Variants in RHOBTB3 observed in about 807,000 individuals in gnomAD.
RHOBTB3 encodes the protein rho-related BTB domain-containing protein 3.
RHOBTB3 carries 47 observed loss-of-function variants against 67.2 expected under a neutral mutation model. The observed-to-expected ratio is 0.70, with a 90% CI of 0.55 to 0.89. The LOEUF is 0.89. Ranked by LOEUF, RHOBTB3 falls within the 40% of genes least tolerant of loss-of-function variation. The pLI, the probability that RHOBTB3 is intolerant of heterozygous loss-of-function variation, is 0.00. For synonymous variants in RHOBTB3, 273 were observed against 274.2 expected, an observed-to-expected ratio of 1.00 and a Z score of 0.04; for missense variants, 631 against 750.0, an observed-to-expected ratio of 0.84 and a Z score of 1.85.
At chr5:95,776,776 A>T (rs1034872437) in intron 8 of RHOBTB3, among the ~76,000 whole-genome samples, 2 of 152,126 alleles carry the variant, frequency 1.3e-5, no homozygotes, top group African/African-American at 4.8e-5. Flanking sequence ...TAAAATAGGG[A>T]TACTAATTCC....
chr5:95,782,133 G>A (rs993133466), intron 9 of RHOBTB3: 1 of 152,188 alleles, frequency 6.6e-6, no homozygotes, highest in Non-Finnish European at 1.5e-5. Context: ...AGGGAAAAAT[G>A]AGTCAAAATG....
At chr5:95,741,083 C>T (rs546118132) in intron 3 of RHOBTB3, among the ~76,000 whole-genome samples, 1 of 152,198 alleles carries the variant, frequency 6.6e-6, no homozygotes, top group South Asian at 2.1e-4. Flanking sequence ...AATCCCAGCA[C>T]TTTGGGAGGC....
At chr5:95,746,061 A>G (rs1744905553) in intron 3 of RHOBTB3, among the ~76,000 whole-genome samples, 1 of 152,144 alleles carries the variant, frequency 6.6e-6, no homozygotes, top group Admixed American at 6.5e-5. Flanking sequence ...TGGTGTAGAA[A>G]GACTAGACAT....
chr5:95,780,728 C>G (rs541247201), intron 9 of RHOBTB3, among the ~76,000 whole-genome samples: 93 of 152,288 alleles, frequency 6.1e-4, no homozygotes, highest in African/African-American at 2.1e-3. Context: ...TTGTGGTACC[C>G]ATGGCTACCG....
At chr5:95,755,954 A>G (rs1242657377) in intron 6 of RHOBTB3, 193 bp downstream of exon 6, 1 of 541,848 alleles carries the variant, frequency 1.8e-6, no homozygotes, top group South Asian at 3.1e-5. Context: ...TTACAAATGT[A>G]CTTGCCTCAT....
intron 2 of RHOBTB3, among the ~76,000 whole-genome samples, chr5:95,735,072 T>A (rs1186650891): frequency 6.6e-6 from 1 of 152,222 alleles, no homozygotes; most frequent in Non-Finnish European, 1.5e-5. Context: ...TTGGATACTT[T>A]GAACTTGAAC....
chr5:95,788,041 A>C (rs1746272832), intron 10 of RHOBTB3, among the ~76,000 whole-genome samples: 1 of 152,026 alleles, frequency 6.6e-6, no homozygotes, highest in Non-Finnish European at 1.5e-5. Flanking sequence ...AATAATAATA[A>C]AAAAAAGAGT....
Position 95,793,096 on chromosome 5 carries a change from G to A in RHOBTB3, c.1758G>A (p.Pro586=), listed in dbSNP as rs373406881. ...GTTTTGTTGAAAAGCACAGATGGCC[G>A]TCGAATATGTACTTGAAGCAGCTTG... The part of the protein sequence containing the change: ...ERSFVEKHRW[P]SNMYLKQLAE... The change falls in exon 12 of 12, where the codon CCG becomes CCA. Residue 586 remains proline, a synonymous_variant. Transcript: ENST00000379982. 75 of 1,613,412 alleles carry A rather than the reference G, an allele frequency of 4.6e-5. No homozygotes were observed. The African/African-American group carries it at 5.2e-4, about 11-fold the overall frequency.
intron 3 of RHOBTB3, among the ~76,000 whole-genome samples, chr5:95,747,097 A>G (rs1220637469): frequency 6.6e-6 from 1 of 151,964 alleles, no homozygotes; most frequent in African/African-American, 2.4e-5. Context: ...GCCCCTTTCC[A>G]TGCATTACTC....
chr5:95,729,204 G>C (rs1482852249), upstream of RHOBTB3, among the ~76,000 whole-genome samples: 2 of 152,144 alleles, frequency 1.3e-5, no homozygotes, highest in African/African-American at 2.4e-5. Context: ...TTCACTTTAT[G>C]GACTTGCCCT....
intron 6 of RHOBTB3, among the ~76,000 whole-genome samples, chr5:95,762,149 A>G (rs1316423321): frequency 2.6e-5 from 4 of 152,194 alleles, no homozygotes; most frequent in African/African-American, 9.7e-5. Flanking sequence ...CTGTGATGTC[A>G]TGTTGATAGC....
At chr5:95,790,972 C>T (rs1162335100) in intron 11 of RHOBTB3, among the ~76,000 whole-genome samples, 1 of 152,202 alleles carries the variant, frequency 6.6e-6, no homozygotes. Flanking sequence ...TTGGCGCTGA[C>T]GGCCCACCTA....
chr5:95,748,616 G>A, intron 4 of RHOBTB3, 129 bp downstream of exon 4: 1 of 543,476 alleles, frequency 1.8e-6, no homozygotes. Context: ...GAAATAAAAT[G>A]AGAGTGAGTG....
Position 95,754,292 on chromosome 5 carries a change from A to T in RHOBTB3, c.683-1104A>T, listed in dbSNP as rs566198618. 7.9e-5 allele frequency among the ~76,000 whole-genome samples: 12 copies of T among 152,244 alleles called. No individual in the cohort carries two copies. In the South Asian group the frequency reaches 2.5e-3, roughly 32 times the overall value. On this transcript the variant is annotated intron_variant, in intron 5 of 11. Coordinates refer to ENST00000379982, the MANE Select transcript of RHOBTB3 (RefSeq NM_014899.4). Reference sequence around the variant, plus strand: ...AGATATTCCAGAGGTTCAGAATAATACAGTCTGGGTACATATTTGGGGCTG... The same window carrying T: ...AGATATTCCAGAGGTTCAGAATAATTCAGTCTGGGTACATATTTGGGGCTG...
chr5:95,783,581 AAAAAG>A, intron 9 of RHOBTB3: 1 of 244,840 alleles, frequency 4.1e-6, no homozygotes, highest in African/African-American at 2.3e-5. Flanking sequence ...AAAAAAAAAA[AAAAAG>A]AAGAAGAAGA....
Position 95,783,863 on chromosome 5 carries a change from A to C in RHOBTB3, c.1523A>C (p.His508Pro). Residue 508 changes from histidine (H) to proline (P), a missense_variant, in exon 10 of 12, where the codon CAC becomes CCC. His to Pro is a moderately conservative substitution (Grantham distance 77). Coordinates refer to ENST00000379982, the MANE Select transcript of RHOBTB3 (RefSeq NM_014899.4). ...ATGTACCAAGTGTCCAGACTGCAGC[A>C]CATCTGTGAGCTGTTCATCATTACC... Reference protein sequence around the residue: ...AEMYQVSRLQHICELFIITQL... With the variant: ...AEMYQVSRLQPICELFIITQL... 3 of 1,613,992 alleles carry C rather than the reference A, an allele frequency of 1.9e-6. No homozygotes were observed. Among genetic ancestry groups the C allele is most frequent in the Non-Finnish European group, 2.5e-6 (3 of 1,179,910 alleles).
upstream of RHOBTB3, chr5:95,731,169 C>T (rs1379451688): frequency 9.9e-7 from 1 of 1,009,358 alleles, no homozygotes; most frequent in East Asian, 1.1e-4. Flanking sequence ...CCTTTGTGTC[C>T]AGCCGCCGCC....
intron 3 of RHOBTB3, among the ~76,000 whole-genome samples, chr5:95,743,903 TTCATC>T (rs1206262677): frequency 6.6e-6 from 1 of 151,676 alleles, no homozygotes; most frequent in Non-Finnish European, 1.5e-5. Flanking sequence ...GAGGTGGAGT[TTCATC>T]ATAGTGGCCA....
intron 1 of RHOBTB3, 72 bp from the exon 2 acceptor site, chr5:95,731,787 C>G: frequency 6.2e-7 from 1 of 1,603,864 alleles, no homozygotes; most frequent in Non-Finnish European, 8.5e-7. Flanking sequence ...GTCCCCCGCA[C>G]TTCCTGTTCC....
Sources: gnomAD v4.1 joint callset for allele counts (sites outside exome capture counted in the v4.1 genomes callset) on GRCh38, gnomAD v4.1.1 for gene constraint, MANE v1.5 for transcripts, NCBI Gene and HGNC (gene_info 2026-07-23, HGNC 2026-07-21) for gene names.